The following HYCC1 variants were observed in gnomAD, a reference collection of about 807,000 sequenced individuals.
HYCC1 encodes the protein hyccin.
chr7:23,001,461 C>T, the HYCC1 span, among the ~76,000 whole-genome samples: 7 of 152,224 alleles, frequency 4.6e-5, no homozygotes, highest in Admixed American at 1.3e-4. Flanking sequence ...ATAATTTACT[C>T]TGGTTTACTC....
the HYCC1 span, among the ~76,000 whole-genome samples, chr7:22,922,785 T>C: frequency 6.6e-6 from 1 of 152,006 alleles, no homozygotes; most frequent in African/African-American, 2.4e-5. Flanking sequence ...TCAGACAAAA[T>C]AGACTTTAAA....
the HYCC1 span, among the ~76,000 whole-genome samples, chr7:23,010,188 T>G: frequency 6.6e-5 from 10 of 152,210 alleles, no homozygotes; most frequent in African/African-American, 2.4e-4. Flanking sequence ...ATATACTGTC[T>G]TTAACATTAT....
the HYCC1 span, among the ~76,000 whole-genome samples, chr7:22,959,468 A>G: frequency 6.6e-6 from 1 of 152,078 alleles, no homozygotes; most frequent in Non-Finnish European, 1.5e-5. Context: ...TCTAATATAC[A>G]CGTTTGCTTA....
the HYCC1 span, among the ~76,000 whole-genome samples, chr7:22,986,104 C>T: frequency 4.2e-4 from 64 of 151,920 alleles, 1 homozygote; most frequent in South Asian, 8.3e-4. Flanking sequence ...AGCTTATATA[C>T]TAGCTGACCG....
chr7:22,922,849 C>G, the HYCC1 span, among the ~76,000 whole-genome samples: 1 of 152,078 alleles, frequency 6.6e-6, no homozygotes, highest in Non-Finnish European at 1.5e-5. Flanking sequence ...AAAGTGTCAA[C>G]CCATCAGGAA....
chr7:22,999,251 A>G, the HYCC1 span, among the ~76,000 whole-genome samples: 1 of 152,248 alleles, frequency 6.6e-6, no homozygotes. Flanking sequence ...AATATTGGGT[A>G]AAAATCTACA....
the HYCC1 span, among the ~76,000 whole-genome samples, chr7:22,957,085 A>C: frequency 6.6e-6 from 1 of 151,966 alleles, no homozygotes; most frequent in Non-Finnish European, 1.5e-5. Context: ...AAACTTTTCA[A>C]AATTCATTTT....
the HYCC1 span, among the ~76,000 whole-genome samples, chr7:22,981,923 G>T: frequency 6.6e-6 from 1 of 152,126 alleles, no homozygotes; most frequent in Non-Finnish European, 1.5e-5. Flanking sequence ...GAGAAACACT[G>T]CTCTGAACCA....
the HYCC1 span, among the ~76,000 whole-genome samples, chr7:22,905,049 A>G: frequency 6.6e-6 from 1 of 151,854 alleles, no homozygotes; most frequent in South Asian, 2.1e-4. Flanking sequence ...CAAGAGAGAG[A>G]AGGAGGGAGG....
At chr7:22,927,118 T>C in the HYCC1 span, among the ~76,000 whole-genome samples, 1 of 152,146 alleles carries the variant, frequency 6.6e-6, no homozygotes, top group Admixed American at 6.5e-5. Context: ...GAAATAAAGA[T>C]GTTCTTTGAA....
the HYCC1 span, among the ~76,000 whole-genome samples, chr7:22,920,568 A>G: frequency 6.6e-6 from 1 of 152,086 alleles, no homozygotes; most frequent in South Asian, 2.1e-4. Flanking sequence ...CAAATAAACA[A>G]AACTGAAAAA....
chr7:22,900,845 C>G, the HYCC1 span, among the ~76,000 whole-genome samples: 1 of 152,062 alleles, frequency 6.6e-6, no homozygotes, highest in Non-Finnish European at 1.5e-5. Flanking sequence ...AAGCAAGACT[C>G]AACTATATGC....
At chr7:22,960,483 G>A in the HYCC1 span, 51 of 1,223,184 alleles carry the variant, frequency 4.2e-5, no homozygotes, top group East Asian at 7.2e-4. Context: ...CTAACCCTTC[G>A]ATAAAACATG....
chr7:22,977,337 T>C, the HYCC1 span: 1 of 1,535,970 alleles, frequency 6.5e-7, no homozygotes, highest in Non-Finnish European at 9.0e-7. Context: ...AAAATGTCAC[T>C]TACTTCATGG....
chr7:22,965,441 T>C, the HYCC1 span, among the ~76,000 whole-genome samples: 1 of 151,290 alleles, frequency 6.6e-6, no homozygotes, highest in Non-Finnish European at 1.5e-5. Context: ...GATTTTACTT[T>C]TTTTTTTTCA....
At chr7:23,002,162 A>T in the HYCC1 span, among the ~76,000 whole-genome samples, 24 of 35,460 alleles carry the variant, frequency 6.8e-4, no homozygotes, top group East Asian at 8.1e-3. Context: ...ATATATATAT[A>T]TATATATATA....
the HYCC1 span, among the ~76,000 whole-genome samples, chr7:22,914,141 T>C: frequency 6.6e-6 from 1 of 152,254 alleles, no homozygotes; most frequent in Non-Finnish European, 1.5e-5. Flanking sequence ...AGTCTTCCCT[T>C]GGTGTTTAAT....
the HYCC1 span, among the ~76,000 whole-genome samples, chr7:22,959,882 T>C: frequency 6.6e-6 from 1 of 152,206 alleles, no homozygotes; most frequent in Admixed American, 6.5e-5. Flanking sequence ...TACTTCAATA[T>C]GTAAATTCAC....
At chr7:22,947,239 C>T in the HYCC1 span, 2 of 1,549,108 alleles carry the variant, frequency 1.3e-6, no homozygotes, top group Non-Finnish European at 1.7e-6. Context: ...TTATTGTTGT[C>T]AGGTTGCTCT....
Sources: gnomAD v4.1 joint callset for allele counts (sites outside exome capture counted in the v4.1 genomes callset) on GRCh38, gnomAD v4.1.1 for gene constraint, MANE v1.5 for transcripts, NCBI Gene and HGNC (gene_info 2026-07-23, HGNC 2026-07-21) for gene names.